CFAP65: variants seen among roughly 807,000 people sequenced by gnomAD.
CFAP65 encodes the protein cilia and flagella associated protein 65.
In CFAP65, 155 loss-of-function variants were observed where a neutral mutation model predicts 208.0. The observed-to-expected ratio is 0.75, with a 90% confidence interval of 0.65 to 0.85. CFAP65 has a LOEUF of 0.85. CFAP65 is among the 40% of genes least tolerant of loss of function. CFAP65 has a pLI of 0.00. For missense variants in CFAP65, 2,294 were observed against 2,451.3 expected (o/e 0.94, Z 1.36); for synonymous variants, 970 against 986.3 (o/e 0.98, Z 0.31).
chr2:219,040,989 T>G (rs1291556229), intron 1 of CFAP65, among the ~76,000 whole-genome samples: 7 of 152,160 alleles, frequency 4.6e-5, no homozygotes, highest in Admixed American at 1.3e-4. Context: ...TTATAGTAAT[T>G]AACAACCATA....
rs752812253 is a variant in CFAP65, at chr2:219,019,108, GC to G, written c.3544del (p.Ala1182ProfsTer10). 10 of 1,614,236 alleles carry G rather than the reference GC, an allele frequency of 6.2e-6. No individual in the cohort carries two copies. The South Asian group carries it at 1.1e-4, about 18-fold the overall frequency. ...DFNFGAAPFK[A>X]PPSVVFLALK... ...GGCCAGGAATACCACGGAAGGTGGGGCCTTGAATGGTGCGGCCCCGAAATTG... is the reference window on the plus strand; with the variant it reads ...GGCCAGGAATACCACGGAAGGTGGGGCTTGAATGGTGCGGCCCCGAAATTG... On this transcript the variant is annotated frameshift_variant, in exon 21 of 35. Coordinates refer to ENST00000341552, the MANE Select transcript of CFAP65 (RefSeq NM_194302.4). LOFTEE classifies it high-confidence loss of function.
At position 219,003,865 on chromosome 2, in the gene CFAP65, C is replaced by T; in HGVS notation, c.5555+87G>A. On this transcript the variant is annotated intron_variant, in intron 33 of 34. Coordinates refer to ENST00000341552, the MANE Select transcript of CFAP65 (RefSeq NM_194302.4). This position sits in a 1 kb window ranked among gnomAD's most constrained non-coding sequence, Gnocchi z 4.4. The stretch of plus-strand genomic sequence containing the variant: ...AATTAGGATGAGATGTGCATACAGG[C>T]AGCAGCCATCCTTGGCATCCCACTG... 6.7e-7 allele frequency: 1 copy of T among 1,489,752 alleles called. No homozygotes were observed. Among genetic ancestry groups the T allele is most frequent in the Non-Finnish European group, 9.1e-7 (1 of 1,095,568 alleles). The allele number at this position is 1,489,752 out of a possible 1,614,324, so 92.3% of individuals were successfully genotyped here. A position where few individuals can be genotyped will look rare whatever the true frequency, so the allele number is the denominator to read the frequency against.
At chr2:219,034,717 C>G (rs1948245666) in intron 5 of CFAP65, 1 of 152,168 alleles carries the variant, frequency 6.6e-6, no homozygotes, top group African/African-American at 2.4e-5. Flanking sequence ...TGGCCACAGA[C>G]TTGATCATAA....
intron 24 of CFAP65, among the ~76,000 whole-genome samples, chr2:219,012,991 T>C (rs184591427): frequency 1.3e-5 from 2 of 152,338 alleles, no homozygotes; most frequent in Admixed American, 1.3e-4. Flanking sequence ...TCAAAGAAGT[T>C]TGAAGAACAT....
rs1947378576 is a variant in CFAP65 at position 219,023,146 on chromosome 2, C to T, written c.2820+61G>A. On this transcript the variant is annotated intron_variant, in intron 16 of 34. Coordinates refer to ENST00000341552, the MANE Select transcript of CFAP65 (RefSeq NM_194302.4). Reference sequence around the variant, plus strand: ...CATGGCAAGTCTGGGCTATGATAGGCACAAATAAGAGATGACAGAAGTGAA... The same window carrying T: ...CATGGCAAGTCTGGGCTATGATAGGTACAAATAAGAGATGACAGAAGTGAA... 5 of 1,424,586 alleles carry T rather than the reference C, an allele frequency of 3.5e-6. No homozygotes were observed. The Admixed American group carries it at 7.5e-5, about 21-fold the overall frequency. The allele number at this position is 1,424,586 out of a possible 1,614,324, so 88.2% of individuals were successfully genotyped here. A position where few individuals can be genotyped will look rare whatever the true frequency, so the allele number is the denominator to read the frequency against.
Position 219,019,095 on chromosome 2 carries a change from C to T in CFAP65, c.3558G>A (p.Val1186=), listed in dbSNP as rs1172063100. The T allele has an allele frequency of 6.2e-7, 1 of 1,614,214 alleles. No individual in the cohort carries two copies. The highest frequency in any genetic ancestry group is 1.7e-5 in the Admixed American group (1 of 60,028). ...GAAPFKAPPS[V]VFLALKNSGV... is the part of the protein sequence containing the mutation. ...CGCTGTTCTTCAGGGCCAGGAATAC[C>T]ACGGAAGGTGGGGCCTTGAATGGTG... Residue 1186 remains valine (V), a synonymous_variant, in exon 21 of 35, where the codon GTG becomes GTA. Coordinates refer to ENST00000341552, the MANE Select transcript of CFAP65 (RefSeq NM_194302.4).
Position 219,006,357 on chromosome 2 carries a change from A to G in CFAP65, c.4719+108T>C, listed in dbSNP as rs981574484. ...TGTGACCCCACTCATTGGCACTTTC[A>G]TCCCTCCTTTCTGGGAGTCTGGTCC... On this transcript the variant is annotated intron_variant, in intron 30 of 34. Transcript: ENST00000341552. 4.0e-6 allele frequency: 6 copies of G among 1,510,936 alleles called. No individual in the cohort carries two copies. In the Admixed American group the frequency reaches 1.0e-4, roughly 26 times the overall value. 93.6% of individuals were successfully genotyped at this position (1,510,936 alleles called of 1,614,324 possible). A position where few individuals can be genotyped will look rare whatever the true frequency, so the allele number is the denominator to read the frequency against.
intron 1 of CFAP65, 55 bp from the exon 2 acceptor site, chr2:219,040,619 C>T (rs1439220544): frequency 4.5e-6 from 7 of 1,551,974 alleles, no homozygotes; most frequent in Non-Finnish European, 6.1e-6. Flanking sequence ...GGTCTTGCAG[C>T]CCTGTCCTGA....
intron 11 of CFAP65, 90 bp downstream of exon 11, chr2:219,029,313 T>C: frequency 6.7e-7 from 1 of 1,496,740 alleles, no homozygotes; most frequent in Non-Finnish European, 9.0e-7. Context: ...AGTTCCAGAA[T>C]ACAGGGAAGT....
intron 14 of CFAP65, 149 bp from the exon 15 acceptor site, chr2:219,024,409 A>C: frequency 1.3e-6 from 1 of 773,280 alleles, no homozygotes; most frequent in Non-Finnish European, 1.8e-6. Flanking sequence ...GGGAACGGGG[A>C]ATTGAAGGAG....
chr2:219,018,342 T>C (rs1947042070), intron 21 of CFAP65: 1 of 152,250 alleles, frequency 6.6e-6, no homozygotes, highest in Non-Finnish European at 1.5e-5. Flanking sequence ...GGATGTTTGC[T>C]GGGCACAAGT....
rs1947961204 is a variant in CFAP65 at position 219,030,746 on chromosome 2, G to A, written c.1104C>T (p.Gly368=). 5 of 1,614,188 alleles carry A rather than the reference G, an allele frequency of 3.1e-6. No individual in the cohort carries two copies. The highest frequency in any genetic ancestry group is 4.2e-6 in the Non-Finnish European group (5 of 1,180,026). Residue 368 remains glycine, a synonymous_variant, in exon 9 of 35, where the codon GGC becomes GGT. Transcript: ENST00000341552. ...CCGAGGTGCAGCCCACAGCAACAGA[G>A]CCAAAGTACAACAGCTTCTGGAAGC... The part of the protein sequence containing the change: ...AEGFQKLLYF[G]SVAVGCTSER...
chr2:219,035,633 G>A lies in CFAP65; in HGVS notation c.389C>T (p.Ser130Phe), dbSNP rs777524755. Reference protein sequence around the residue: ...PASSMDTQMHSPKKQERVNKR... With the variant: ...PASSMDTQMHFPKKQERVNKR... ...GTTCACTCTCTCCTGCTTCTTTGGG[G>A]AGTGCATCTGAGTGTCCATGGAGCT... The change falls in exon 5 of 35, where the codon TCC becomes TTC. Residue 130 changes from serine to phenylalanine, a missense_variant. Physicochemically the swap from Ser to Phe is radical, Grantham distance 155 (BLOSUM62 -2). Around this residue, in one of 2 missense-constraint regions of CFAP65, gnomAD observed 867 missense variants for 1,012.6 expected, o/e 0.86. Coordinates refer to ENST00000341552, the MANE Select transcript of CFAP65 (RefSeq NM_194302.4). 1.9e-6 allele frequency: 3 copies of A among 1,613,950 alleles called. No homozygotes were observed. Among genetic ancestry groups the A allele is most frequent in the Non-Finnish European group, 2.5e-6 (3 of 1,179,936 alleles).
chr2:219,033,866 AT>A (rs1948199060), intron 5 of CFAP65: 1 of 152,238 alleles, frequency 6.6e-6, no homozygotes, highest in African/African-American at 2.4e-5. Context: ...AAATGTGTGC[AT>A]GAAAAAACAA....
chr2:219,003,181 T>C lies in CFAP65; in HGVS notation c.5647A>G (p.Thr1883Ala), dbSNP rs778582401. ...AGGGCGATGACGCGTGGCCGCGAGG[T>C]GAGTACCACCTCCCCGCGGCTCGCC... ...VEASRGEVVL[T>A]SRPRVIALPP... Residue 1883 changes from threonine to alanine, a missense_variant, in exon 34 of 35, where the codon ACC becomes GCC. This residue lies in a region of CFAP65 where 1,427 missense variants were observed against 1,438.7 expected (regional missense o/e 0.99). Transcript: ENST00000341552. This position sits in a 1 kb window ranked among gnomAD's most constrained non-coding sequence, Gnocchi z 4.4. 6.5e-7 allele frequency: 1 copy of C among 1,546,940 alleles called. No homozygotes were observed. Among genetic ancestry groups the C allele is most frequent in the South Asian group, 1.2e-5 (1 of 83,880 alleles).
chr2:219,021,737 C>T (rs543014474), intron 18 of CFAP65, 43 bp downstream of exon 18: 2 of 1,606,828 alleles, frequency 1.2e-6, no homozygotes, highest in Non-Finnish European at 1.7e-6. Context: ...CCAGTACCTC[C>T]TCCCACCTCC....
At chr2:219,022,405 G>A (rs1290954284) in intron 16 of CFAP65, 76 bp from the exon 17 acceptor site, 1 of 1,506,748 alleles carries the variant, frequency 6.6e-7, no homozygotes, top group African/African-American at 1.4e-5. Context: ...GAGGCCCCAT[G>A]GCAGGGCGTC....
chr2:219,013,936 G>A lies in CFAP65; in HGVS notation c.3711C>T (p.Leu1237=). ...TCCCAGCCTTGGGGCTGATGGAGAA[G>A]AGGCAATTGTCCTGCACGCGCATCT... ...LHQMRVQDNC[L]FSISPKAGSL... The change falls in exon 22 of 35, where the codon CTC becomes CTT. Residue 1237 remains leucine, a synonymous_variant. Transcript: ENST00000341552. The A allele has an allele frequency of 1.2e-6, 2 of 1,614,024 alleles. No homozygotes were observed. Among genetic ancestry groups the A allele is most frequent in the East Asian group, 4.5e-5 (2 of 44,886 alleles).
chr2:219,017,674 C>T (rs534763533), intron 21 of CFAP65, among the ~76,000 whole-genome samples: 2 of 152,382 alleles, frequency 1.3e-5, no homozygotes, highest in African/African-American at 4.8e-5. Context: ...TTTCCAGCAG[C>T]CTGGACCCTC....
Sources: gnomAD v4.1 joint callset for allele counts (sites outside exome capture counted in the v4.1 genomes callset) on GRCh38, gnomAD v4.1.1 for gene constraint, gnomAD v4.1.1 regional missense constraint, Gnocchi (gnomAD v3.1) non-coding constraint, MANE v1.5 for transcripts, NCBI Gene and HGNC (gene_info 2026-07-23, HGNC 2026-07-21) for gene names.